Variants in AKAIN1 observed in about 807,000 individuals in gnomAD.
The protein encoded by AKAIN1 is A-kinase anchor inhibitor 1.
A neutral mutation model predicts 3.7 loss-of-function variants in AKAIN1; 3 were observed. The ratio of observed to expected loss-of-function variants is 0.82; its 90% CI spans 0.37 to 2.12. AKAIN1 has a LOEUF of 2.12. Ranked by LOEUF, AKAIN1 falls within the 30% of genes most tolerant of loss-of-function variation. The pLI is 0.06. For missense variants in AKAIN1, 82 were observed against 82.7 expected (o/e 0.99, Z 0.03); for synonymous variants, 31 against 30.8 (o/e 1.01, Z -0.02).
intron 1 of AKAIN1, among the ~76,000 whole-genome samples, chr18:5,155,647 C>G (rs2071103929): frequency 6.6e-6 from 1 of 152,176 alleles, no homozygotes; most frequent in Non-Finnish European, 1.5e-5. Context: ...GAAAAGCAAT[C>G]CAGAGCCACC....
Position 5,197,192 on chromosome 18 carries a change from ACAGCTCCCGCCGCTAGATCCTGGGGCCG to A in AKAIN1, c.-167_-140del. ...GCGGGCGGGGCGGTCAGCACCCCGG[ACAGCTCCCGCCGCTAGATCCTGGGGCCG>A]CAGCTCCAGCCGCCGCCGCGCGCTC... On this transcript the variant is annotated 5_prime_UTR_variant, in exon 1 of 2. Coordinates refer to ENST00000434239, the MANE Select transcript of AKAIN1 (RefSeq NM_001145194.2). The surrounding 1 kb of genome is among the most constrained non-coding windows in gnomAD (Gnocchi z 6.9). 6.9e-7 allele frequency: 1 copy of A among 1,454,716 alleles called. No homozygotes were observed. Among genetic ancestry groups the A allele is most frequent in the Admixed American group, 2.4e-5 (1 of 42,084 alleles). The allele number at this position is 1,454,716 out of a possible 1,614,324, so 90.1% of individuals were successfully genotyped here.
upstream of AKAIN1, chr18:5,197,508 A>AAAAAAAAAAC: frequency 8.2e-7 from 1 of 1,224,648 alleles, no homozygotes; most frequent in East Asian, 3.2e-5. This position sits in a 1 kb window ranked among gnomAD's most constrained non-coding sequence, Gnocchi z 6.9. Context: ...ATTTGTCAAA[A>AAAAAAAAAAC]AAAAAAAACT....
intron 1 of AKAIN1, among the ~76,000 whole-genome samples, chr18:5,149,541 C>T (rs2071068612): frequency 6.6e-6 from 1 of 152,208 alleles, no homozygotes; most frequent in African/African-American, 2.4e-5. Flanking sequence ...CATGAGCGAG[C>T]CTCGTCTCTC....
chr18:5,190,855 A>C (rs944774765), intron 1 of AKAIN1, among the ~76,000 whole-genome samples: 1 of 151,912 alleles, frequency 6.6e-6, no homozygotes, highest in African/African-American at 2.4e-5. Flanking sequence ...TAAGGGTCCC[A>C]CCCCCACGAC....
chr18:5,190,127 A>G (rs920451208), intron 1 of AKAIN1, among the ~76,000 whole-genome samples: 1 of 152,160 alleles, frequency 6.6e-6, no homozygotes, highest in East Asian at 1.9e-4. Context: ...TGGGGCTGAA[A>G]TCATCCTCTT....
intron 1 of AKAIN1, among the ~76,000 whole-genome samples, chr18:5,192,603 A>G (rs1482716261): frequency 1.3e-5 from 2 of 152,078 alleles, no homozygotes; most frequent in Non-Finnish European, 2.9e-5. Flanking sequence ...AACATCTTGG[A>G]CTTGGAATTC....
intron 1 of AKAIN1, among the ~76,000 whole-genome samples, chr18:5,173,476 A>G (rs2071209004): frequency 6.6e-6 from 1 of 152,162 alleles, no homozygotes; most frequent in Non-Finnish European, 1.5e-5. Flanking sequence ...GTTACATTTT[A>G]GTTGGAATAA....
chr18:5,195,167 G>A, intron 1 of AKAIN1, among the ~76,000 whole-genome samples: 1 of 151,760 alleles, frequency 6.6e-6, no homozygotes, highest in East Asian at 1.9e-4. Context: ...AGTTTCCCCA[G>A]ACGTTTCTGT....
chr18:5,152,253 C>T (rs1431132541), intron 1 of AKAIN1, among the ~76,000 whole-genome samples: 1 of 152,160 alleles, frequency 6.6e-6, no homozygotes, highest in East Asian at 1.9e-4. Context: ...GCTGACATTA[C>T]AATAATGAGG....
rs1021758732 is a variant in AKAIN1, at chr18:5,142,956, G to A, written c.*2606C>T. 2.6e-5 allele frequency among the ~76,000 whole-genome samples: 4 copies of A among 152,214 alleles called. No homozygotes were observed. The highest frequency in any genetic ancestry group is 3.8e-4 in the East Asian group (2 of 5,198). ...GCACTGAACAGATGATTACAGCAGA[G>A]AAAAGTAACATGAAAGGATTTCTTT... On this transcript the variant is annotated 3_prime_UTR_variant, in exon 2 of 2. Transcript: ENST00000434239.
In AKAIN1 at chr18:5,192,733, T is replaced by C. The variant is rs560998503; in HGVS notation, c.16+4305A>G. Among the ~76,000 whole-genome samples, 59 of 151,544 alleles carry C rather than the reference T, an allele frequency of 3.9e-4. 2 individuals are homozygous for C. Among genetic ancestry groups the C allele is most frequent in the Admixed American group, 7.9e-4 (12 of 15,194 alleles). The stretch of plus-strand genomic sequence containing the variant: ...GTATGGTTTCATTTATACAACAGTC[T>C]GAAAAGGCAAATCCATGGGGATAGG... On this transcript the variant is annotated intron_variant, in intron 1 of 1. Transcript: ENST00000434239.
chr18:5,186,827 C>G (rs115786560), intron 1 of AKAIN1, among the ~76,000 whole-genome samples: 1 of 152,050 alleles, frequency 6.6e-6, no homozygotes, highest in Non-Finnish European at 1.5e-5. Context: ...ACAACTGAAA[C>G]AATTGCAAGT....
At chr18:5,176,343 G>A (rs1268319636) in intron 1 of AKAIN1, among the ~76,000 whole-genome samples, 1 of 152,146 alleles carries the variant, frequency 6.6e-6, no homozygotes, top group Middle Eastern at 3.2e-3. Context: ...AGGAAGCTGA[G>A]GCAGGAGAAT....
intron 1 of AKAIN1, among the ~76,000 whole-genome samples, chr18:5,155,375 C>A (rs1268870167): frequency 6.6e-6 from 1 of 152,102 alleles, no homozygotes; most frequent in Non-Finnish European, 1.5e-5. Flanking sequence ...ATCTCAATTG[C>A]GCATGCGTAG....
At position 5,145,568 on chromosome 18, in the gene AKAIN1, C is replaced by A. The variant is rs2071043677; in HGVS notation, c.204G>T (p.Lys68Asn). 3.2e-6 allele frequency: 5 copies of A among 1,551,200 alleles called. No individual in the cohort carries two copies. Among genetic ancestry groups the A allele is most frequent in the Non-Finnish European group, 4.4e-6 (5 of 1,146,822 alleles). ...AAGAGCCAAATCCACCATGTTACTT[C>A]TTTTCGTGCTTCTTGGTTAACTCCC... ...GVGELTKKHE[K>N]K Residue 68 changes from lysine (K) to asparagine (N), a missense_variant, in exon 2 of 2, where the codon AAG (lysine) becomes AAT (asparagine). Coordinates refer to ENST00000434239, the MANE Select transcript of AKAIN1 (RefSeq NM_001145194.2).
At chr18:5,168,542 A>G (rs2071179432) in intron 1 of AKAIN1, among the ~76,000 whole-genome samples, 1 of 152,116 alleles carries the variant, frequency 6.6e-6, no homozygotes, top group Non-Finnish European at 1.5e-5. Context: ...CACTGTCTTT[A>G]TATTTCCATA....
chr18:5,194,472 A>T (rs1356169819), intron 1 of AKAIN1, among the ~76,000 whole-genome samples: 2 of 152,192 alleles, frequency 1.3e-5, no homozygotes, highest in Non-Finnish European at 2.9e-5. Flanking sequence ...CTAAATCCTA[A>T]ATAGGGTTAA....
At chr18:5,163,273 A>G (rs1459779864) in intron 1 of AKAIN1, among the ~76,000 whole-genome samples, 2 of 152,066 alleles carry the variant, frequency 1.3e-5, no homozygotes, top group African/African-American at 4.8e-5. Flanking sequence ...TAGAGAAACA[A>G]GAGTCAAGCA....
chr18:5,166,380 C>A (rs1306564953), intron 1 of AKAIN1, among the ~76,000 whole-genome samples: 2 of 151,894 alleles, frequency 1.3e-5, no homozygotes, highest in Non-Finnish European at 2.9e-5. Context: ...TCTCATTTTG[C>A]CTTAGGAGGC....
Sources: allele counts gnomAD v4.1 joint callset (sites outside exome capture counted in the v4.1 genomes callset), GRCh38; gene constraint gnomAD v4.1.1; non-coding constraint Gnocchi (gnomAD v3.1); transcripts MANE v1.5; gene names NCBI Gene and HGNC (gene_info 2026-07-23, HGNC 2026-07-21).